Variants in MDGA2 observed in about 807,000 individuals in gnomAD.
MDGA2 encodes the protein MAM domain-containing glycosylphosphatidylinositol anchor protein 2.
MDGA2 carries 40 observed loss-of-function variants against 117.8 expected under a neutral mutation model. The observed-to-expected ratio is 0.34, with a 90% CI of 0.26 to 0.44. The LOEUF is 0.44. Ranked by LOEUF, MDGA2 falls within the 20% of genes least tolerant of loss-of-function variation. The pLI, the probability that MDGA2 is intolerant of heterozygous loss-of-function variation, is 1.00. For missense variants in MDGA2, 1,123 were observed against 1,250.6 expected (o/e 0.90, Z 1.54); for synonymous variants, 452 against 439.0 (o/e 1.03, Z -0.37).
chr14:47,432,742 T>C (rs557669357), intron 1 of MDGA2, among the ~76,000 whole-genome samples: 6 of 152,256 alleles, frequency 3.9e-5, no homozygotes, highest in Non-Finnish European at 7.4e-5. Context: ...TTGTACAATA[T>C]AGTCTAAATA....
At chr14:47,530,548 A>G (rs1895076448) in intron 1 of MDGA2, among the ~76,000 whole-genome samples, 1 of 152,118 alleles carries the variant, frequency 6.6e-6, no homozygotes, top group Non-Finnish European at 1.5e-5. Context: ...CTCACCTCAT[A>G]ATCAAACGAT....
At chr14:47,276,645 A>C (rs1346433227) in intron 2 of MDGA2, among the ~76,000 whole-genome samples, 1 of 152,212 alleles carries the variant, frequency 6.6e-6, no homozygotes, top group African/African-American at 2.4e-5. Context: ...ACTAGCAAAG[A>C]AACAAATTGT....
Position 46,957,649 on chromosome 14 carries a change from G to A in MDGA2, c.1820-6C>T. 1 of 1,613,636 alleles carries A rather than the reference G, an allele frequency of 6.2e-7. No homozygotes were observed. The highest frequency in any genetic ancestry group is 8.5e-7 in the Non-Finnish European group (1 of 1,179,716). ...TGGTTCCACTGCAGGGGGATCTGTA[G>A]AAAAGATATGTAAAAACAGATGAAA... On this transcript the variant is annotated splice_region_variant and splice_polypyrimidine_tract_variant and intron_variant, in intron 8 of 16. Coordinates refer to ENST00000399232, the MANE Select transcript of MDGA2 (RefSeq NM_001113498.3).
intron 3 of MDGA2, among the ~76,000 whole-genome samples, chr14:47,198,577 A>T (rs1285813324): frequency 1.3e-5 from 2 of 152,226 alleles, no homozygotes; most frequent in Non-Finnish European, 2.9e-5. Flanking sequence ...GTCTCAAAAA[A>T]AAAAATTGAT....
chr14:47,462,259 C>A (rs1301599384), intron 1 of MDGA2, among the ~76,000 whole-genome samples: 4 of 143,724 alleles, frequency 2.8e-5, no homozygotes, highest in Non-Finnish European at 6.1e-5. Flanking sequence ...GCCTGTAGTC[C>A]CAGGGACTCG....
chr14:47,107,869 A>T (rs201292354), intron 5 of MDGA2, among the ~76,000 whole-genome samples: 1 of 151,496 alleles, frequency 6.6e-6, no homozygotes, highest in South Asian at 2.1e-4. Flanking sequence ...GAGGCCCTCA[A>T]AATAAGTAGA....
At chr14:47,656,814 C>T (rs767781645) in intron 1 of MDGA2, among the ~76,000 whole-genome samples, 88 of 152,170 alleles carry the variant, frequency 5.8e-4, no homozygotes, top group Admixed American at 5.9e-4. Context: ...CAAATGTAAA[C>T]TTAACATTAT....
At chr14:47,640,293 C>T (rs1454361534) in intron 1 of MDGA2, among the ~76,000 whole-genome samples, 3 of 152,058 alleles carry the variant, frequency 2.0e-5, no homozygotes, top group African/African-American at 7.2e-5. Flanking sequence ...AAGGTTTTTT[C>T]TTCTAAATGT....
intron 1 of MDGA2, among the ~76,000 whole-genome samples, chr14:47,646,329 A>C (rs1380488141): frequency 6.6e-6 from 1 of 152,028 alleles, no homozygotes; most frequent in African/African-American, 2.4e-5. Flanking sequence ...ATGTATATAC[A>C]TACACATATA....
intron 8 of MDGA2, among the ~76,000 whole-genome samples, chr14:46,979,452 A>G (rs1886586598): frequency 6.6e-6 from 1 of 152,226 alleles, no homozygotes; most frequent in Non-Finnish European, 1.5e-5. Flanking sequence ...CTTACTAAGG[A>G]AATCATATTG....
intron 1 of MDGA2, among the ~76,000 whole-genome samples, chr14:47,318,482 A>G (rs1288033065): frequency 1.3e-5 from 2 of 152,080 alleles, no homozygotes; most frequent in Non-Finnish European, 2.9e-5. Context: ...GAACAAATCC[A>G]ATCATTCATT....
In MDGA2 at chr14:47,464,100, TACACACACACACACACACAC is replaced by T. The variant is rs71449610; in HGVS notation, c.281-162570_281-162551del. On this transcript the variant is annotated intron_variant, in intron 1 of 16. Transcript: ENST00000399232. ...TAAAATTCATTTCTCACTTACTATG[TACACACACACACACACACAC>T]ACACACACACACACACACACACACA... Among the ~76,000 whole-genome samples, 358 of 141,592 alleles carry T rather than the reference TACACACACACACACACACAC, an allele frequency of 2.5e-3. 2 individuals carry two copies. The highest frequency in any genetic ancestry group is 0.012 in the South Asian group (49 of 4,166). 92.9% of individuals were successfully genotyped at this position (141,592 alleles called of 152,430 possible). A position where few individuals can be genotyped will look rare whatever the true frequency, so the allele number is the denominator to read the frequency against.
intron 3 of MDGA2, among the ~76,000 whole-genome samples, chr14:47,192,342 G>A (rs1260317245): frequency 6.6e-6 from 1 of 152,086 alleles, no homozygotes; most frequent in African/African-American, 2.4e-5. Context: ...GGGGCCGAAC[G>A]AGGTGACTCA....
chr14:47,543,769 C>G (rs142536892), intron 1 of MDGA2, among the ~76,000 whole-genome samples: 1 of 152,258 alleles, frequency 6.6e-6, no homozygotes, highest in African/African-American at 2.4e-5. Flanking sequence ...AAGATGCTAT[C>G]TAAGAGATTA....
chr14:47,321,679 C>T (rs1017047615), intron 1 of MDGA2, among the ~76,000 whole-genome samples: 3 of 152,176 alleles, frequency 2.0e-5, no homozygotes, highest in Non-Finnish European at 4.4e-5. Context: ...AAAACTACAA[C>T]ACTGTTCATA....
chr14:47,609,465 A>ACATATATATATATATATATATAC (rs1555336021), intron 1 of MDGA2, among the ~76,000 whole-genome samples: 2 of 107,380 alleles, frequency 1.9e-5, no homozygotes, highest in Non-Finnish European at 3.9e-5. Flanking sequence ...ATATATATAT[A>ACATATATATATATATATATATAC]AGTTTCTTTA....
intron 1 of MDGA2, among the ~76,000 whole-genome samples, chr14:47,538,587 A>T (rs1376155189): frequency 6.6e-6 from 1 of 152,138 alleles, no homozygotes; most frequent in East Asian, 1.9e-4. Flanking sequence ...CTCACACTCA[A>T]AACATCTCTA....
chr14:47,381,371 C>T (rs551363443), intron 1 of MDGA2, among the ~76,000 whole-genome samples: 1 of 152,198 alleles, frequency 6.6e-6, no homozygotes, highest in African/African-American at 2.4e-5. Flanking sequence ...GGCAATCAGA[C>T]AGGAGAAAGA....
chr14:47,414,542 A>C (rs1020094353), intron 1 of MDGA2, among the ~76,000 whole-genome samples: 3 of 152,206 alleles, frequency 2.0e-5, no homozygotes, highest in Non-Finnish European at 4.4e-5. Flanking sequence ...GAAAAGGGAA[A>C]TAGTATGAGA....
Sources: allele counts gnomAD v4.1 joint callset (sites outside exome capture counted in the v4.1 genomes callset), GRCh38; gene constraint gnomAD v4.1.1; transcripts MANE v1.5; gene names NCBI Gene and HGNC (gene_info 2026-07-23, HGNC 2026-07-21).